MYO1D: variants seen among roughly 807,000 people sequenced by gnomAD.
The protein encoded by MYO1D is myosin ID, also known as unconventional myosin-Id.
In MYO1D, 83 loss-of-function variants were observed where a neutral mutation model predicts 122.0. The ratio of observed to expected loss-of-function variants is 0.68; its 90% CI spans 0.57 to 0.82. The LOEUF is 0.82. Among genes scored for constraint, MYO1D ranks in the 40% least tolerant of loss-of-function variants. The pLI, the probability that MYO1D is intolerant of heterozygous loss-of-function variation, is 0.00. For synonymous variants in MYO1D, 464 were observed against 446.9 expected, an observed-to-expected ratio of 1.04 and a Z score of -0.48; for missense variants, 1,157 against 1,269.5, an observed-to-expected ratio of 0.91 and a Z score of 1.35.
intron 21 of MYO1D, among the ~76,000 whole-genome samples, chr17:32,500,885 T>G (rs1232660990): frequency 6.6e-6 from 1 of 151,952 alleles, no homozygotes; most frequent in Non-Finnish European, 1.5e-5. Context: ...GGTGGGCACC[T>G]GTAGTCCCAG....
At chr17:32,759,814 C>G in intron 10 of MYO1D, 1 of 354,662 alleles carries the variant, frequency 2.8e-6, no homozygotes, top group Non-Finnish European at 5.1e-6. Flanking sequence ...CAAGAAAATG[C>G]AAAGTAAAAC....
chr17:32,541,922 T>G (rs1910847981), intron 21 of MYO1D, among the ~76,000 whole-genome samples: 1 of 152,172 alleles, frequency 6.6e-6, no homozygotes. Context: ...TTTACTGTAA[T>G]ACTCTCTTTT....
intron 14 of MYO1D, among the ~76,000 whole-genome samples, chr17:32,724,863 C>T (rs1376513735): frequency 2.0e-5 from 3 of 152,090 alleles, no homozygotes; most frequent in Admixed American, 6.6e-5. Context: ...TTAACTCTTC[C>T]CTGAAGAAAA....
chr17:32,601,896 G>A (rs1034244099), intron 21 of MYO1D, among the ~76,000 whole-genome samples: 2 of 152,228 alleles, frequency 1.3e-5, no homozygotes, highest in African/African-American at 4.8e-5. Context: ...TGTACTTGGA[G>A]AGGCAGAAAT....
chr17:32,640,489 C>A (rs2088181439), intron 19 of MYO1D, among the ~76,000 whole-genome samples: 1 of 119,152 alleles, frequency 8.4e-6, no homozygotes, highest in Non-Finnish European at 1.7e-5. Context: ...CCCCACCCCA[C>A]AACAGTCCCC....
At chr17:32,797,291 CAT>C (rs1490219315) in intron 1 of MYO1D, among the ~76,000 whole-genome samples, 4 of 152,176 alleles carry the variant, frequency 2.6e-5, no homozygotes, top group Non-Finnish European at 4.4e-5. Flanking sequence ...TTTCTAAAAA[CAT>C]AGTTTCTTAT....
intron 21 of MYO1D, among the ~76,000 whole-genome samples, chr17:32,586,324 C>A (rs971653303): frequency 6.6e-6 from 1 of 152,178 alleles, no homozygotes; most frequent in Non-Finnish European, 1.5e-5. Flanking sequence ...TCTAGTGTTG[C>A]CTATAACTGA....
intron 21 of MYO1D, among the ~76,000 whole-genome samples, chr17:32,509,706 A>G (rs934314728): frequency 3.3e-5 from 5 of 151,886 alleles, no homozygotes; most frequent in African/African-American, 1.2e-4. Context: ...CCCCTGCCTC[A>G]GCCTCCTGAG....
chr17:32,716,830 T>C (rs528171273), intron 15 of MYO1D, among the ~76,000 whole-genome samples: 2 of 152,390 alleles, frequency 1.3e-5, no homozygotes, highest in African/African-American at 4.8e-5. Context: ...CCTGGTTCTC[T>C]GGCAAACCAG....
intron 20 of MYO1D, among the ~76,000 whole-genome samples, chr17:32,620,770 A>G (rs755532072): frequency 2.6e-5 from 4 of 152,232 alleles, no homozygotes; most frequent in African/African-American, 7.2e-5. Context: ...TCAGAAATGT[A>G]GTTTCTCCTG....
chr17:32,832,572 A>G (rs1443537236), intron 1 of MYO1D, among the ~76,000 whole-genome samples: 1 of 152,142 alleles, frequency 6.6e-6, no homozygotes, highest in Non-Finnish European at 1.5e-5. Flanking sequence ...TGCTGGGATT[A>G]CAGGTGTGAG....
chr17:32,871,825 CAGAG>C (rs1455489251), intron 1 of MYO1D, among the ~76,000 whole-genome samples: 2 of 152,100 alleles, frequency 1.3e-5, no homozygotes, highest in Non-Finnish European at 2.9e-5. Context: ...GCAGGACTCT[CAGAG>C]GGAGGGTGCA....
chr17:32,786,878 GAAGAA>G (rs2090301589), intron 1 of MYO1D, among the ~76,000 whole-genome samples: 1 of 151,616 alleles, frequency 6.6e-6, no homozygotes, highest in African/African-American at 2.4e-5. Context: ...TAAGATGTCA[GAAGAA>G]AAGAAAAAAA....
intron 1 of MYO1D, among the ~76,000 whole-genome samples, chr17:32,872,285 T>A (rs1334810391): frequency 6.6e-6 from 1 of 152,146 alleles, no homozygotes; most frequent in Admixed American, 6.5e-5. Flanking sequence ...TTTATTTATT[T>A]ATTTTGAGAC....
intron 20 of MYO1D, among the ~76,000 whole-genome samples, chr17:32,623,797 G>A (rs2087885232): frequency 6.6e-6 from 1 of 152,098 alleles, no homozygotes; most frequent in Non-Finnish European, 1.5e-5. Flanking sequence ...GGTGGCCCTC[G>A]TCCAGGTTGC....
At chr17:32,806,816 C>T (rs933927883) in intron 1 of MYO1D, among the ~76,000 whole-genome samples, 6 of 152,198 alleles carry the variant, frequency 3.9e-5, no homozygotes, top group African/African-American at 7.2e-5. Context: ...TGCTTGTTCA[C>T]CATGAATGAA....
intron 1 of MYO1D, among the ~76,000 whole-genome samples, chr17:32,847,759 C>A (rs2090950916): frequency 6.6e-6 from 1 of 152,138 alleles, no homozygotes; most frequent in Admixed American, 6.5e-5. Context: ...AAGCAATCCA[C>A]CTGCCTCAGC....
In MYO1D at chr17:32,870,202, A is replaced by G. The variant is rs2091166702; in HGVS notation, c.95+6576T>C. On this transcript the variant is annotated intron_variant, in intron 1 of 21. Transcript: ENST00000318217. ...TTTTGTCCCAATATGAAGCCAATGTACAAAACAGGCAGAGAGCAAACTGTC... is the reference window on the plus strand; with the variant it reads ...TTTTGTCCCAATATGAAGCCAATGTGCAAAACAGGCAGAGAGCAAACTGTC... 2.6e-5 allele frequency among the ~76,000 whole-genome samples: 4 copies of G among 152,222 alleles called. No homozygotes were observed. In the South Asian group the frequency reaches 8.3e-4, roughly 31 times the overall value.
chr17:32,559,639 C>A (rs1216083169), intron 21 of MYO1D, among the ~76,000 whole-genome samples: 9 of 152,182 alleles, frequency 5.9e-5, no homozygotes, highest in Admixed American at 3.3e-4. Context: ...CCGGAGGCTG[C>A]CTGATTTGTG....
Sources: allele counts gnomAD v4.1 joint callset (sites outside exome capture counted in the v4.1 genomes callset), GRCh38; gene constraint gnomAD v4.1.1; transcripts MANE v1.5; gene names NCBI Gene and HGNC (gene_info 2026-07-23, HGNC 2026-07-21).